CPLANE1: variants seen among roughly 807,000 people sequenced by gnomAD.
CPLANE1 encodes the protein ciliogenesis and planar polarity effector complex subunit 1, also known as ciliogenesis and planar polarity effector 1.
A neutral mutation model predicts 362.5 loss-of-function variants in CPLANE1; 263 were observed. The ratio of observed to expected loss-of-function variants is 0.73; its 90% CI spans 0.66 to 0.80. The LOEUF (loss-of-function observed/expected upper bound fraction) is 0.80. Ranked by LOEUF, CPLANE1 falls within the 30% of genes least tolerant of loss-of-function variation. The probability of loss-of-function intolerance (pLI) is 0.00; values close to 1 mark genes in which losing one functional copy is unlikely to be tolerated. For synonymous variants in CPLANE1, 1,212 were observed against 1,302.6 expected (o/e 0.93, Z 1.50); for missense variants, 3,461 against 3,793.4 (o/e 0.91, Z 2.30).
rs765552801 is a variant in CPLANE1, at chr5:37,183,387, T to C, written c.4794A>G (p.Thr1598=). 3.1e-6 allele frequency: 5 copies of C among 1,613,260 alleles called. No homozygotes were observed. Among genetic ancestry groups the C allele is most frequent in the African/African-American group, 2.7e-5 (2 of 74,886 alleles). The change falls in exon 26 of 53, where the codon ACA becomes ACG. Residue 1598 remains threonine (T), a synonymous_variant. Coordinates refer to ENST00000651892, the MANE Select transcript of CPLANE1 (RefSeq NM_001384732.1). ...TTTTGCTCTGATGTCGTTTTAATGT[T>C]GTATGTACATCAAAAAGTAAAGAAT... ...ELNSLLFDVH[T]TLKRHQSKTK... is the part of the protein sequence containing the mutation.
Position 37,106,752 on chromosome 5 carries a change from A to G in CPLANE1, c.*850T>C, listed in dbSNP as rs1332243259. 1.3e-6 allele frequency: 1 copy of G among 750,372 alleles called. No individual in the cohort carries two copies. The highest frequency in any genetic ancestry group is 1.6e-6 in the Non-Finnish European group (1 of 615,602). 46.5% of individuals were successfully genotyped at this position (750,372 alleles called of 1,614,324 possible). A position where few individuals can be genotyped will look rare whatever the true frequency, so the allele number is the denominator to read the frequency against. On this transcript the variant is annotated 3_prime_UTR_variant, in exon 53 of 53. Coordinates refer to ENST00000651892, the MANE Select transcript of CPLANE1 (RefSeq NM_001384732.1). ...GCTTCACACAGGTAGATATTTGGAA[A>G]AAGAGGGGTATTTAATAGCTTTTTC...
the CPLANE1 span, among the ~76,000 whole-genome samples, chr5:37,099,679 A>G: frequency 1.4e-4 from 22 of 152,208 alleles, no homozygotes; most frequent in African/African-American, 4.1e-4. Flanking sequence ...ACTGGGCCCA[A>G]TGGTATTTCT....
At chr5:37,122,378 C>T in intron 48 of CPLANE1, 52 bp downstream of exon 48, 1 of 1,407,742 alleles carries the variant, frequency 7.1e-7, no homozygotes, top group Non-Finnish European at 1.0e-6. Flanking sequence ...TAATCTATGC[C>T]TCAGCTAAGG....
chr5:37,184,952 T>C lies in CPLANE1; in HGVS notation c.4317A>G (p.Glu1439=). Residue 1439 remains glutamate, a synonymous_variant, in exon 25 of 53, where the codon GAA becomes GAG. Coordinates refer to ENST00000651892, the MANE Select transcript of CPLANE1 (RefSeq NM_001384732.1). ...FEVNIWEPIE[E]EKPDEAPGVD... is the part of the protein sequence containing the mutation. Reference sequence around the variant, plus strand: ...CACCTGGAGCCTCATCTGGTTTCTCTTCTTCAATTGGTTCCCATATATTCA... The same window carrying C: ...CACCTGGAGCCTCATCTGGTTTCTCCTCTTCAATTGGTTCCCATATATTCA... 1 of 1,614,154 alleles carries C rather than the reference T, an allele frequency of 6.2e-7. No individual in the cohort carries two copies. The highest frequency in any genetic ancestry group is 1.3e-5 in the African/African-American group (1 of 75,060).
chr5:37,178,845 A>G (rs1308811377), intron 29 of CPLANE1, among the ~76,000 whole-genome samples: 1 of 152,154 alleles, frequency 6.6e-6, no homozygotes, highest in African/African-American at 2.4e-5. Context: ...TACAGCCTCA[A>G]ACTCCTGGAG....
chr5:37,227,959 A>G, intron 9 of CPLANE1, 142 bp from the exon 10 acceptor site: 2 of 767,374 alleles, frequency 2.6e-6, no homozygotes, highest in Non-Finnish European at 4.1e-6. Context: ...AAATGTGTTT[A>G]TATCTTTCAG....
chr5:37,243,899 G>A (rs1201491930), intron 5 of CPLANE1, among the ~76,000 whole-genome samples: 7 of 149,482 alleles, frequency 4.7e-5, no homozygotes, highest in Non-Finnish European at 8.9e-5. Flanking sequence ...TGCCCAGGCT[G>A]GAGTGTAATG....
Position 37,224,237 on chromosome 5 carries a change from TTTAAC to T in CPLANE1, c.2581+11_2581+15del, listed in dbSNP as rs1196545531. On this transcript the variant is annotated intron_variant, in intron 14 of 52. Coordinates refer to ENST00000651892, the MANE Select transcript of CPLANE1 (RefSeq NM_001384732.1). Reference sequence around the variant, plus strand: ...CCTGCTAATATTATGGCACATATTTTTTAACACTCTCTTACCTTTCTCTTCGATTT... The same window carrying T: ...CCTGCTAATATTATGGCACATATTTTACTCTCTTACCTTTCTCTTCGATTT... 10 of 1,522,594 alleles carry T rather than the reference TTTAAC, an allele frequency of 6.6e-6. No homozygotes were observed. In the African/African-American group the frequency reaches 9.7e-5, roughly 15 times the overall value. The allele number at this position is 1,522,594 out of a possible 1,614,324, so 94.3% of individuals were successfully genotyped here. A position where few individuals can be genotyped will look rare whatever the true frequency, so the allele number is the denominator to read the frequency against.
intron 5 of CPLANE1, among the ~76,000 whole-genome samples, chr5:37,243,509 G>C (rs1219137907): frequency 6.6e-6 from 1 of 151,480 alleles, no homozygotes; most frequent in Non-Finnish European, 1.5e-5. Flanking sequence ...ATAAAATGCT[G>C]GTCCACACAT....
At chr5:37,186,432 T>A (rs1187107068) in intron 23 of CPLANE1, 38 bp from the exon 24 acceptor site, 10 of 907,078 alleles carry the variant, frequency 1.1e-5, no homozygotes, top group Non-Finnish European at 1.8e-5. Context: ...ATGAGAAACA[T>A]CATTCTTTTT....
chr5:37,157,972 A>T, intron 39 of CPLANE1, 104 bp from the exon 40 acceptor site: 1 of 833,736 alleles, frequency 1.2e-6, no homozygotes, highest in Non-Finnish European at 1.8e-6. Context: ...TTAATTCTTC[A>T]TTCTTATTAA....
At chr5:37,210,635 C>T in intron 16 of CPLANE1, 1 of 1,598,646 alleles carries the variant, frequency 6.3e-7, no homozygotes, top group Admixed American at 1.7e-5. Context: ...CAAAACAAAA[C>T]CATATGCTGA....
the CPLANE1 span, among the ~76,000 whole-genome samples, chr5:37,081,601 G>C: frequency 6.6e-6 from 1 of 152,104 alleles, no homozygotes; most frequent in African/African-American, 2.4e-5. Flanking sequence ...GGGATTACAG[G>C]TATGAGCCAC....
intron 30 of CPLANE1, among the ~76,000 whole-genome samples, chr5:37,176,452 A>G (rs1205316956): frequency 6.6e-6 from 1 of 152,156 alleles, no homozygotes; most frequent in African/African-American, 2.4e-5. Context: ...CCTGGGTGAC[A>G]TGGCGAATCC....
intron 27 of CPLANE1, 123 bp from the exon 28 acceptor site, chr5:37,180,306 C>T (rs1230039939): frequency 6.8e-6 from 3 of 440,146 alleles, no homozygotes; most frequent in Non-Finnish European, 1.2e-5. Context: ...AGTGCAATGG[C>T]GCAATCTCGG....
rs554243439 is a variant in CPLANE1, at chr5:37,223,597, T to A, written c.2581+656A>T. Among the ~76,000 whole-genome samples, 5 of 152,350 alleles carry A rather than the reference T, an allele frequency of 3.3e-5. No individual in the cohort carries two copies. In the South Asian group the frequency reaches 1.0e-3, roughly 32 times the overall value. On this transcript the variant is annotated intron_variant, in intron 14 of 52. Transcript: ENST00000651892. ...GTTCCAGGGTCACCAGCTGAGAACC[T>A]CTGTCATCTCAGCCATACCCTCAGC...
rs558260049 is a variant in CPLANE1, at chr5:37,194,881, G to A, written c.3811+977C>T. Among the ~76,000 whole-genome samples the A allele has an allele frequency of 2.5e-4, 38 of 151,398 alleles. 1 individual carries two copies. The highest frequency in any genetic ancestry group is 2.8e-4 in the Non-Finnish European group (19 of 67,850). On this transcript the variant is annotated intron_variant, in intron 21 of 52. Coordinates refer to ENST00000651892, the MANE Select transcript of CPLANE1 (RefSeq NM_001384732.1). ...GATAAGATCAGGGCTGGCCAGGCGC[G>A]GTGGCTCACACCTGTAATCCCAGCA...
At chr5:37,227,858 A>G (rs750646559) in intron 9 of CPLANE1, 41 bp from the exon 10 acceptor site, 2 of 1,493,252 alleles carry the variant, frequency 1.3e-6, no homozygotes, top group Non-Finnish European at 9.0e-7. Context: ...AGTAAGAGAA[A>G]GATCTTACGG....
chr5:37,224,868 A>T, intron 12 of CPLANE1, 128 bp from the exon 13 acceptor site: 1 of 551,812 alleles, frequency 1.8e-6, no homozygotes, highest in Non-Finnish European at 3.2e-6. Flanking sequence ...AACTGATCAC[A>T]TTTAAATATA....
Sources: allele counts gnomAD v4.1 joint callset (sites outside exome capture counted in the v4.1 genomes callset), GRCh38; gene constraint gnomAD v4.1.1; transcripts MANE v1.5; gene names NCBI Gene and HGNC (gene_info 2026-07-23, HGNC 2026-07-21).